DOCK4: variants seen among roughly 807,000 people sequenced by gnomAD.
DOCK4 encodes dedicator of cytokinesis protein 4.
Under a neutral mutation model 268.1 loss-of-function variants are expected in DOCK4, and 97 were observed. The observed-to-expected ratio is 0.36, with a 90% confidence interval of 0.31 to 0.43. The LOEUF (loss-of-function observed/expected upper bound fraction) is 0.43. Among genes scored for constraint, DOCK4 ranks in the 20% least tolerant of loss-of-function variants. DOCK4 has a pLI of 1.00. For missense variants in DOCK4, 2,145 were observed against 2,455.7 expected (o/e 0.87, Z 2.67); for synonymous variants, 954 against 887.2 (o/e 1.08, Z -1.34).
intron 1 of DOCK4, among the ~76,000 whole-genome samples, chr7:112,131,034 A>C (rs1378423304): frequency 6.6e-6 from 1 of 152,228 alleles, no homozygotes; most frequent in Non-Finnish European, 1.5e-5. Flanking sequence ...GGAGGCTGAT[A>C]ATAGTGAAAA....
At chr7:111,759,791 G>C (rs1020679621) in intron 40 of DOCK4, among the ~76,000 whole-genome samples, 11 of 103,642 alleles carry the variant, frequency 1.1e-4, no homozygotes, top group Admixed American at 5.8e-4. Context: ...TAATCAGGGT[G>C]GGGGGAGGGG....
chr7:111,766,659 G>C (rs1036245443), intron 38 of DOCK4, among the ~76,000 whole-genome samples: 1 of 152,176 alleles, frequency 6.6e-6, no homozygotes, highest in Non-Finnish European at 1.5e-5. Context: ...TTAGAAATAG[G>C]TCAGCCATTC....
chr7:111,869,426 A>G (rs1241238873), intron 21 of DOCK4, 148 bp downstream of exon 21: 17 of 706,400 alleles, frequency 2.4e-5, no homozygotes, highest in Non-Finnish European at 3.9e-5. Context: ...TCAGCTCTCA[A>G]GCAGTCACAA....
chr7:111,819,678 G>A (rs990943577), intron 27 of DOCK4: 50 of 152,122 alleles, frequency 3.3e-4, no homozygotes, highest in African/African-American at 1.2e-3. Context: ...TGAAAACAGA[G>A]GAAGAAAGGA....
At chr7:111,920,838 T>C (rs1037458393) in intron 12 of DOCK4, among the ~76,000 whole-genome samples, 1 of 152,102 alleles carries the variant, frequency 6.6e-6, no homozygotes, top group African/African-American at 2.4e-5. Flanking sequence ...ATAGGTATGA[T>C]AGGAATATTA....
chr7:112,199,971 A>C (rs908456146), intron 1 of DOCK4, among the ~76,000 whole-genome samples: 15 of 152,256 alleles, frequency 9.9e-5, no homozygotes, highest in Non-Finnish European at 1.6e-4. Flanking sequence ...TTTGACTTAG[A>C]CTGAAGGAAA....
At chr7:112,069,423 C>G (rs780090621) in intron 1 of DOCK4, among the ~76,000 whole-genome samples, 1 of 152,196 alleles carries the variant, frequency 6.6e-6, no homozygotes, top group African/African-American at 2.4e-5. Flanking sequence ...CTAGATAGGA[C>G]TCTACATTAA....
chr7:111,961,771 G>T (rs6976232), intron 8 of DOCK4, among the ~76,000 whole-genome samples: 46,028 of 152,022 alleles, frequency 0.3, 8,870 homozygotes, highest in African/African-American at 0.55. Context: ...TATGAAAAAC[G>T]TAACTGTCAG....
At chr7:111,794,586 G>T (rs1482160924) in intron 30 of DOCK4, among the ~76,000 whole-genome samples, 6 of 152,128 alleles carry the variant, frequency 3.9e-5, no homozygotes, top group Non-Finnish European at 7.3e-5. Flanking sequence ...GCAAAGAGGG[G>T]CAAGGTTGTC....
At chr7:111,759,097 G>A (rs1797224066) in intron 40 of DOCK4, among the ~76,000 whole-genome samples, 2 of 152,118 alleles carry the variant, frequency 1.3e-5, no homozygotes, top group African/African-American at 4.8e-5. Context: ...TGTGTAGGTA[G>A]ATGGGAATGG....
At chr7:111,772,412 G>C (rs957899329) in intron 36 of DOCK4, among the ~76,000 whole-genome samples, 1 of 152,064 alleles carries the variant, frequency 6.6e-6, no homozygotes, top group African/African-American at 2.4e-5. Context: ...TGGTGGTAAT[G>C]GTAGCACGAC....
chr7:111,983,368 G>C (rs1204650653), intron 7 of DOCK4, among the ~76,000 whole-genome samples: 1 of 152,056 alleles, frequency 6.6e-6, no homozygotes, highest in African/African-American at 2.4e-5. Flanking sequence ...CATCCAAAAA[G>C]GAGTCTACTA....
At chr7:111,871,828 TA>T (rs1249981500) in intron 20 of DOCK4, among the ~76,000 whole-genome samples, 161 bp downstream of exon 20, 1 of 152,208 alleles carries the variant, frequency 6.6e-6, no homozygotes, top group Non-Finnish European at 1.5e-5. Context: ...TCTACCCATT[TA>T]AAAAGGGTGT....
chr7:111,865,276 C>T (rs1351852971), intron 22 of DOCK4, among the ~76,000 whole-genome samples: 1 of 152,148 alleles, frequency 6.6e-6, no homozygotes, highest in Non-Finnish European at 1.5e-5. Flanking sequence ...ACAGGGCTAA[C>T]AAGAACAGTC....
chr7:111,893,513 A>G (rs1160862881), intron 16 of DOCK4, among the ~76,000 whole-genome samples: 1 of 152,342 alleles, frequency 6.6e-6, no homozygotes, highest in East Asian at 1.9e-4. Flanking sequence ...TAATGTTACA[A>G]AGACATTTAT....
chr7:111,936,527 T>TGGATGGAC (rs1554382786), intron 11 of DOCK4, among the ~76,000 whole-genome samples: 3 of 148,812 alleles, frequency 2.0e-5, no homozygotes, highest in Non-Finnish European at 4.5e-5. Flanking sequence ...GATGGATGGA[T>TGGATGGAC]GGACGGATGG....
intron 1 of DOCK4, among the ~76,000 whole-genome samples, chr7:112,144,597 C>A (rs1815261845): frequency 6.6e-6 from 1 of 152,206 alleles, no homozygotes; most frequent in South Asian, 2.1e-4. Context: ...CTCCAGGATG[C>A]CAGGTCATCA....
At chr7:111,756,787 C>A (rs1005272325) in intron 41 of DOCK4, among the ~76,000 whole-genome samples, 1 of 151,922 alleles carries the variant, frequency 6.6e-6, no homozygotes, top group Non-Finnish European at 1.5e-5. Context: ...TTTCTTTGAG[C>A]CAGCCAAGCT....
intron 30 of DOCK4, among the ~76,000 whole-genome samples, chr7:111,806,051 G>A (rs976714758): frequency 6.6e-6 from 1 of 152,178 alleles, no homozygotes; most frequent in Non-Finnish European, 1.5e-5. Flanking sequence ...TTTAATAGGT[G>A]TGGACCATTT....
Sources: allele counts gnomAD v4.1 joint callset (sites outside exome capture counted in the v4.1 genomes callset), GRCh38; gene constraint gnomAD v4.1.1; transcripts MANE v1.5; gene names NCBI Gene and HGNC (gene_info 2026-07-23, HGNC 2026-07-21).